ARFGEF3: variants seen among roughly 807,000 people sequenced by gnomAD.
The protein encoded by ARFGEF3 is brefeldin A-inhibited guanine nucleotide-exchange protein 3.
ARFGEF3 carries 96 observed loss-of-function variants against 221.7 expected under a neutral mutation model. The observed-to-expected ratio is 0.43, with a 90% CI of 0.37 to 0.51. The LOEUF (loss-of-function observed/expected upper bound fraction) is 0.51. ARFGEF3 is among the 20% of genes least tolerant of loss of function. The pLI is 0.00. For missense variants in ARFGEF3, 2,410 were observed against 2,789.9 expected (o/e 0.86, Z 3.07); for synonymous variants, 1,145 against 1,126.8 (o/e 1.02, Z -0.32).
chr6:138,204,339 CAAAAAAAAAAAA>C (rs11336345), intron 2 of ARFGEF3, among the ~76,000 whole-genome samples: 2 of 60,430 alleles, frequency 3.3e-5, no homozygotes, highest in Admixed American at 4.0e-4. Context: ...ACTCCATCTC[CAAAAAAAAAAAA>C]AAAAAAAAAA....
chr6:138,309,460 G>A (rs1279592534), intron 24 of ARFGEF3, among the ~76,000 whole-genome samples: 1 of 152,196 alleles, frequency 6.6e-6, no homozygotes, highest in Non-Finnish European at 1.5e-5. Context: ...TAAGCCTGGG[G>A]TAGGAGGAAT....
At chr6:138,206,282 A>G (rs1435337648) in intron 2 of ARFGEF3, among the ~76,000 whole-genome samples, 2 of 150,660 alleles carry the variant, frequency 1.3e-5, no homozygotes, top group Admixed American at 6.6e-5. Flanking sequence ...CTTTAGGTTT[A>G]TTCCTAAAAT....
At chr6:138,259,103 G>A (rs1159851004) in intron 10 of ARFGEF3, among the ~76,000 whole-genome samples, 1 of 152,122 alleles carries the variant, frequency 6.6e-6, no homozygotes, top group Non-Finnish European at 1.5e-5. Context: ...GACTGATTGG[G>A]GCCAGGATGT....
intron 2 of ARFGEF3, among the ~76,000 whole-genome samples, chr6:138,191,899 A>G (rs1299309317): frequency 6.6e-6 from 1 of 152,076 alleles, no homozygotes; most frequent in Non-Finnish European, 1.5e-5. Context: ...CCAGGCTCTC[A>G]TGCCTCTGGT....
chr6:138,266,538 CT>C lies in ARFGEF3; in HGVS notation c.2128+2931del, dbSNP rs1413371061. The stretch of plus-strand genomic sequence containing the variant: ...ACAGGCATGAGCCACTACACCAAGC[CT>C]TTTGGTCTCTTAAGATGTGCCATAG... On this transcript the variant is annotated intron_variant, in intron 12 of 33. Transcript: ENST00000251691. 1.1e-4 allele frequency among the ~76,000 whole-genome samples: 16 copies of C among 152,086 alleles called. No individual in the cohort carries two copies. The East Asian group carries it at 2.9e-3, about 28-fold the overall frequency.
chr6:138,245,410 C>A, intron 7 of ARFGEF3, 103 bp from the exon 8 acceptor site: 1 of 766,596 alleles, frequency 1.3e-6, no homozygotes, highest in South Asian at 1.5e-5. Context: ...ATCATCTTTT[C>A]AGTCTCAAAA....
At chr6:138,290,511 G>A (rs1428626096) in intron 18 of ARFGEF3, among the ~76,000 whole-genome samples, 1 of 152,212 alleles carries the variant, frequency 6.6e-6, no homozygotes, top group Admixed American at 6.5e-5. Context: ...TAGCATCAAA[G>A]TGAAAAGAAA....
chr6:138,306,968 AAAAG>A lies in ARFGEF3; in HGVS notation c.3829-281_3829-278del, dbSNP rs1191287186. Among the ~76,000 whole-genome samples, 672 of 151,752 alleles carry A rather than the reference AAAAG, an allele frequency of 4.4e-3. 6 individuals are homozygous for A. Among genetic ancestry groups the A allele is most frequent in the African/African-American group, 0.015 (634 of 41,392 alleles). On this transcript the variant is annotated intron_variant, in intron 22 of 33. Transcript: ENST00000251691. ...TAAGGAACTCTAAAAAAAAAAAAAA[AAAAG>A]AAAATAACAAGAAGACATGAACCCA...
intron 30 of ARFGEF3, 103 bp downstream of exon 30, chr6:138,323,876 C>A: frequency 6.5e-7 from 1 of 1,532,664 alleles, no homozygotes; most frequent in Non-Finnish European, 9.0e-7. Context: ...TCTGAGCAGG[C>A]AGTCTCACTT....
At chr6:138,302,611 G>T (rs1779647223) in intron 22 of ARFGEF3, among the ~76,000 whole-genome samples, 1 of 152,322 alleles carries the variant, frequency 6.6e-6, no homozygotes, top group South Asian at 2.1e-4. Context: ...AATGCTCGAT[G>T]ACAATGACAA....
intron 8 of ARFGEF3, among the ~76,000 whole-genome samples, chr6:138,252,439 C>T (rs981715940): frequency 2.6e-5 from 4 of 152,190 alleles, no homozygotes; most frequent in African/African-American, 9.7e-5. Context: ...TATTAAATGG[C>T]ACATAAAGGA....
At chr6:138,229,460 G>A (rs138262180) in intron 4 of ARFGEF3, among the ~76,000 whole-genome samples, 203 of 152,328 alleles carry the variant, frequency 1.3e-3, no homozygotes, top group African/African-American at 4.7e-3. Flanking sequence ...TAAAATGACT[G>A]CTACTAAACA....
intron 23 of ARFGEF3, among the ~76,000 whole-genome samples, chr6:138,307,750 A>T (rs1779752481): frequency 6.6e-6 from 1 of 152,236 alleles, no homozygotes; most frequent in Non-Finnish European, 1.5e-5. Context: ...AACCAGAATT[A>T]GGGAGATTCG....
At chr6:138,167,363 T>C (rs1369289796) in intron 1 of ARFGEF3, among the ~76,000 whole-genome samples, 2 of 152,330 alleles carry the variant, frequency 1.3e-5, no homozygotes, top group African/African-American at 2.4e-5. Context: ...TCGACACCAG[T>C]GCTCTGAAAC....
At chr6:138,256,628 G>C (rs1244022597) in intron 10 of ARFGEF3, among the ~76,000 whole-genome samples, 1 of 152,070 alleles carries the variant, frequency 6.6e-6, no homozygotes, top group East Asian at 1.9e-4. Context: ...ACTATTTCTA[G>C]AAATTAAGGA....
At chr6:138,303,794 A>G (rs7742795) in intron 22 of ARFGEF3, among the ~76,000 whole-genome samples, 36,337 of 144,236 alleles carry the variant, frequency 0.25, 4,635 homozygotes, top group East Asian at 0.52. Context: ...TCTGGGAGGC[A>G]GAGGTTGCAG....
chr6:138,178,500 G>A (rs940750662), intron 2 of ARFGEF3, among the ~76,000 whole-genome samples: 6 of 152,220 alleles, frequency 3.9e-5, no homozygotes, highest in South Asian at 2.1e-4. Flanking sequence ...TTCCTAGGTA[G>A]AAATTATATT....
At chr6:138,190,077 C>A (rs1583002267) in intron 2 of ARFGEF3, among the ~76,000 whole-genome samples, 1 of 151,704 alleles carries the variant, frequency 6.6e-6, no homozygotes, top group East Asian at 1.9e-4. Flanking sequence ...GGACAAGATT[C>A]TGTCTCAAAA....
chr6:138,196,843 T>C (rs1258145214), intron 2 of ARFGEF3, among the ~76,000 whole-genome samples: 7 of 152,198 alleles, frequency 4.6e-5, no homozygotes, highest in Admixed American at 2.6e-4. Context: ...TATTTATTTA[T>C]TTATTTTGAG....
Sources: allele counts gnomAD v4.1 joint callset (sites outside exome capture counted in the v4.1 genomes callset), GRCh38; gene constraint gnomAD v4.1.1; transcripts MANE v1.5; gene names NCBI Gene and HGNC (gene_info 2026-07-23, HGNC 2026-07-21).